Variants in CLIC5 observed in about 807,000 individuals in gnomAD.
CLIC5 encodes chloride intracellular channel protein 5.
A neutral mutation model predicts 24.7 loss-of-function variants in CLIC5; 20 were observed. The ratio of observed to expected loss-of-function variants is 0.81; its 90% confidence interval spans 0.57 to 1.18. CLIC5 has a LOEUF of 1.18. Among genes scored for constraint, CLIC5 ranks in the 50% most tolerant of loss-of-function variants. CLIC5 has a pLI of 0.00. For synonymous variants in CLIC5, 159 were observed against 135.6 expected, an observed-to-expected ratio of 1.17 and a Z score of -1.20; for missense variants, 341 against 326.1, an observed-to-expected ratio of 1.05 and a Z score of -0.35.
intron 1 of CLIC5, among the ~76,000 whole-genome samples, chr6:46,070,946 G>A (rs527931882): frequency 6.6e-6 from 1 of 152,020 alleles, no homozygotes; most frequent in Non-Finnish European, 1.5e-5. Context: ...TCAGATCTTC[G>A]ACAAAGCTGA....
chr6:46,051,405 T>C (rs963719140), intron 1 of CLIC5, among the ~76,000 whole-genome samples: 7 of 152,236 alleles, frequency 4.6e-5, no homozygotes, highest in African/African-American at 1.7e-4. Flanking sequence ...ACATCTAAGG[T>C]CCTTTCCAGA....
intron 1 of CLIC5, among the ~76,000 whole-genome samples, chr6:45,995,115 G>A (rs1330219869): frequency 6.6e-6 from 1 of 152,132 alleles, no homozygotes; most frequent in African/African-American, 2.4e-5. Flanking sequence ...ATACCAGGCA[G>A]GCCCCTTTGG....
chr6:45,994,977 G>A (rs9472651), intron 1 of CLIC5, among the ~76,000 whole-genome samples: 90,542 of 152,064 alleles, frequency 0.6, 27,336 homozygotes, highest in East Asian at 0.77. Flanking sequence ...AAGTACTATT[G>A]GTATATTCTC....
intron 4 of CLIC5, among the ~76,000 whole-genome samples, chr6:45,923,209 T>C (rs567535760): frequency 2.8e-4 from 43 of 152,358 alleles, no homozygotes; most frequent in African/African-American, 1.0e-3. Flanking sequence ...AGTTTTTTTA[T>C]GGTTACTTTA....
intron 1 of CLIC5, among the ~76,000 whole-genome samples, chr6:45,979,910 A>C (rs921572135): frequency 8.7e-6 from 1 of 114,690 alleles, no homozygotes; most frequent in Non-Finnish European, 1.9e-5. Context: ...CCATTTATCA[A>C]TTTTTTATTT....
the CLIC5 span, among the ~76,000 whole-genome samples, chr6:46,086,064 C>T: frequency 1.3e-5 from 2 of 152,190 alleles, no homozygotes; most frequent in Non-Finnish European, 2.9e-5. Context: ...TGGGATATAA[C>T]CTCCTGGTGC....
At chr6:46,128,610 G>T in the CLIC5 span, among the ~76,000 whole-genome samples, 3 of 152,220 alleles carry the variant, frequency 2.0e-5, no homozygotes. Flanking sequence ...ATAGTAAGAG[G>T]TTGGTATTGT....
At chr6:45,894,815 G>T (rs534875856), downstream of CLIC5, among the ~76,000 whole-genome samples, 3 of 152,314 alleles carry the variant, frequency 2.0e-5, no homozygotes, top group Middle Eastern at 6.8e-3. Flanking sequence ...GAATCCATGC[G>T]CACTGTAAGG....
At chr6:45,967,108 T>C (rs1765040623) in intron 1 of CLIC5, among the ~76,000 whole-genome samples, 1 of 152,218 alleles carries the variant, frequency 6.6e-6, no homozygotes, top group Non-Finnish European at 1.5e-5. Context: ...TCTTAAAAAA[T>C]GCAGGGTCCT....
intron 1 of CLIC5, among the ~76,000 whole-genome samples, chr6:45,996,583 G>T (rs1042121812): frequency 2.2e-4 from 34 of 152,106 alleles, no homozygotes; most frequent in African/African-American, 2.4e-4. Context: ...AGTTTTCCCA[G>T]CACCATTTAT....
At chr6:45,916,221 G>T (rs564506440) in intron 4 of CLIC5, among the ~76,000 whole-genome samples, 1 of 152,356 alleles carries the variant, frequency 6.6e-6, no homozygotes, top group East Asian at 1.9e-4. Flanking sequence ...TCTCCCTGGT[G>T]TGGCATTTGA....
the CLIC5 span, among the ~76,000 whole-genome samples, chr6:46,092,373 G>T: frequency 2.6e-5 from 4 of 152,124 alleles, no homozygotes; most frequent in East Asian, 7.7e-4. Context: ...AATTACAAAA[G>T]TATTTTGCAG....
rs76060481 is a variant in CLIC5, at chr6:46,037,977, T to C, written c.540+41726A>G. ...GACAATAAGCCTCAGGGAAAGAGGA[T>C]GAGACCTAGGCCTTCAGATAGAGCC... On this transcript the variant is annotated intron_variant, in intron 1 of 5. Coordinates refer to the CLIC5 transcript ENST00000185206. Among the ~76,000 whole-genome samples, 1,187 of 152,310 alleles carry C rather than the reference T, an allele frequency of 7.8e-3. 11 individuals carry two copies. The highest frequency in any genetic ancestry group is 0.013 in the Non-Finnish European group (884 of 68,022).
chr6:46,006,897 G>C (rs955132440), intron 1 of CLIC5, among the ~76,000 whole-genome samples: 1 of 151,684 alleles, frequency 6.6e-6, no homozygotes, highest in Non-Finnish European at 1.5e-5. Context: ...GGATGGTCTC[G>C]ATCCCCTGAC....
intron 3 of CLIC5, among the ~76,000 whole-genome samples, chr6:45,944,607 G>T (rs750324490): frequency 7.0e-5 from 8 of 114,700 alleles, no homozygotes; most frequent in Non-Finnish European, 1.3e-4. Flanking sequence ...AGCAAAAAAA[G>T]AGAAAACCAT....
chr6:46,027,533 C>T (rs1454358587), intron 1 of CLIC5, among the ~76,000 whole-genome samples: 2 of 152,142 alleles, frequency 1.3e-5, no homozygotes, highest in Non-Finnish European at 2.9e-5. Flanking sequence ...AAAATCTGCC[C>T]AGAAGTTTTC....
At chr6:46,034,594 C>G (rs925849350) in intron 1 of CLIC5, among the ~76,000 whole-genome samples, 1 of 152,048 alleles carries the variant, frequency 6.6e-6, no homozygotes, top group Non-Finnish European at 1.5e-5. Context: ...AGAACAAGAC[C>G]CTGTCTCTTT....
chr6:46,086,756 G>T, the CLIC5 span, among the ~76,000 whole-genome samples: 1 of 152,154 alleles, frequency 6.6e-6, no homozygotes, highest in Non-Finnish European at 1.5e-5. Flanking sequence ...GGAGCAACTT[G>T]GTCCACTGGC....
downstream of CLIC5, among the ~76,000 whole-genome samples, chr6:45,896,238 T>C (rs1373273854): frequency 6.6e-6 from 1 of 152,254 alleles, no homozygotes; most frequent in Non-Finnish European, 1.5e-5. Context: ...ATGTATTTTC[T>C]GGTTATTGGC....
Sources: allele counts gnomAD v4.1 joint callset (sites outside exome capture counted in the v4.1 genomes callset), GRCh38; gene constraint gnomAD v4.1.1; transcripts MANE v1.5; gene names NCBI Gene and HGNC (gene_info 2026-07-23, HGNC 2026-07-21).